PRKG1: variants seen among roughly 807,000 people sequenced by gnomAD.
PRKG1 encodes cGMP-dependent protein kinase 1.
In PRKG1, 35 loss-of-function variants were observed where a neutral mutation model predicts 88.1. The observed-to-expected ratio is 0.40, with a 90% CI of 0.30 to 0.53. PRKG1 has a LOEUF of 0.53. Ranked by LOEUF, PRKG1 falls within the 20% of genes least tolerant of loss-of-function variation. The pLI is 0.59. For missense variants in PRKG1, 540 were observed against 839.8 expected (o/e 0.64, Z 4.41); for synonymous variants, 303 against 292.5 (o/e 1.04, Z -0.37).
At chr10:51,102,620 T>C (rs1271547794) in intron 1 of PRKG1, among the ~76,000 whole-genome samples, 3 of 152,206 alleles carry the variant, frequency 2.0e-5, no homozygotes, top group Non-Finnish European at 2.9e-5. Context: ...CTGGGAAAAT[T>C]GACCCACTGA....
At chr10:51,408,696 C>T (rs993985922) in intron 2 of PRKG1, among the ~76,000 whole-genome samples, 11 of 152,190 alleles carry the variant, frequency 7.2e-5, no homozygotes, top group African/African-American at 2.2e-4. Flanking sequence ...AGTGGAAGTC[C>T]GTGTTGATGA....
intron 2 of PRKG1, among the ~76,000 whole-genome samples, chr10:51,329,283 G>A (rs1418919753): frequency 6.6e-6 from 1 of 152,030 alleles, no homozygotes; most frequent in Non-Finnish European, 1.5e-5. Flanking sequence ...TTCTACATGT[G>A]GATATTCAGT....
At chr10:52,093,055 A>T (rs1360107541) in intron 7 of PRKG1, among the ~76,000 whole-genome samples, 1 of 152,140 alleles carries the variant, frequency 6.6e-6, no homozygotes, top group Admixed American at 6.5e-5. Context: ...GTAAAATGGG[A>T]TGATAATCTT....
intron 2 of PRKG1, among the ~76,000 whole-genome samples, chr10:51,196,330 A>G (rs571430392): frequency 6.6e-6 from 1 of 152,332 alleles, no homozygotes; most frequent in South Asian, 2.1e-4. Flanking sequence ...ATTTTTATAT[A>G]CTTTTACAAG....
In PRKG1 at chr10:51,494,774, T is replaced by C. The variant is rs189173099; in HGVS notation, c.592+26938T>C. On this transcript the variant is annotated intron_variant, in intron 3 of 17. Transcript: ENST00000373980. ...TGTGCTCTCTGTATTTTTCTATTAA[T>C]GGTGTTTGTGACTTCGAAAATTTAC... is the stretch of plus-strand genomic sequence containing the variant. Among the ~76,000 whole-genome samples, 56 of 152,358 alleles carry C rather than the reference T, an allele frequency of 3.7e-4. No homozygotes were observed. The East Asian group carries it at 5.2e-3, about 14-fold the overall frequency.
At chr10:52,110,310 T>G (rs1016721364) in intron 7 of PRKG1, among the ~76,000 whole-genome samples, 2 of 152,088 alleles carry the variant, frequency 1.3e-5, no homozygotes, top group Admixed American at 6.5e-5. Flanking sequence ...CCAGCCTGCG[T>G]GAAAGTGCGA....
intron 2 of PRKG1, among the ~76,000 whole-genome samples, chr10:51,465,868 G>A (rs1035387812): frequency 2.6e-5 from 4 of 152,294 alleles, no homozygotes; most frequent in Admixed American, 6.5e-5. Flanking sequence ...CCAGTGATAA[G>A]AGCAAGCATT....
rs146514496 is a variant in PRKG1, at chr10:52,275,726, G to A, written c.1403+3245G>A. Among the ~76,000 whole-genome samples, 456 of 152,116 alleles carry A rather than the reference G, an allele frequency of 3.0e-3. 1 individual carries two copies. Among genetic ancestry groups the A allele is most frequent in the African/African-American group, 0.01 (424 of 41,528 alleles). On this transcript the variant is annotated intron_variant, in intron 12 of 17. Coordinates refer to ENST00000373980, the MANE Select transcript of PRKG1 (RefSeq NM_006258.4). ...TTCTAATTCTGTGAAGAATGATGGT[G>A]GTATTTTGATAGGGATTGCATTGAA...
chr10:51,743,844 G>A (rs1025929509), intron 3 of PRKG1, among the ~76,000 whole-genome samples: 9 of 147,452 alleles, frequency 6.1e-5, no homozygotes, highest in Non-Finnish European at 8.9e-5. Context: ...AAATGTAACA[G>A]AAAGACTTGG....
intron 5 of PRKG1, among the ~76,000 whole-genome samples, chr10:51,950,495 C>A (rs1159336198): frequency 6.6e-6 from 1 of 152,230 alleles, no homozygotes; most frequent in Non-Finnish European, 1.5e-5. Context: ...CCCTGTCTAC[C>A]CAGCCCACAG....
chr10:51,620,759 G>T (rs978929453), intron 3 of PRKG1, among the ~76,000 whole-genome samples: 1 of 151,800 alleles, frequency 6.6e-6, no homozygotes, highest in Non-Finnish European at 1.5e-5. Context: ...TCATTATCCT[G>T]ATTTTACCTA....
chr10:51,619,557 G>C (rs1425854524), intron 3 of PRKG1, among the ~76,000 whole-genome samples: 1 of 152,162 alleles, frequency 6.6e-6, no homozygotes, highest in Non-Finnish European at 1.5e-5. Context: ...GCTGTGGAGG[G>C]ACCTGCCTGA....
rs2132804699 is a variant in PRKG1, at chr10:51,074,820, A to G, written c.230A>G (p.Gln77Arg). The G allele has an allele frequency of 6.2e-7, 1 of 1,613,708 alleles. No homozygotes were observed. The highest frequency in any genetic ancestry group is 1.3e-5 in the African/African-American group (1 of 75,056). Residue 77 changes from glutamine to arginine, a missense_variant, in exon 1 of 18, where the codon CAG becomes CGG. This residue lies in a region of PRKG1 where 400 missense variants were observed against 562.7 expected (regional missense o/e 0.71). Transcript: ENST00000373980. ...CAGGGCGAGCCGCGCACCAAGCGGC[A>G]GGCGATCTCCGCCGAGCCCACCGCC... is the stretch of plus-strand genomic sequence containing the variant. The part of the protein sequence containing the change: ...TLQGEPRTKR[Q>R]AISAEPTAFD...
rs953205048 is a variant in PRKG1 at position 52,237,390 on chromosome 10, C to T, written c.1077-14180C>T. 6.2e-5 allele frequency among the ~76,000 whole-genome samples: 8 copies of T among 129,008 alleles called. 1 individual carries two copies. In the East Asian group the frequency reaches 1.2e-3, roughly 19 times the overall value. The allele number at this position is 129,008 out of a possible 152,430, so 84.6% of individuals were successfully genotyped here. A position where few individuals can be genotyped will look rare whatever the true frequency, so the allele number is the denominator to read the frequency against. On this transcript the variant is annotated intron_variant, in intron 9 of 17. Coordinates refer to ENST00000373980, the MANE Select transcript of PRKG1 (RefSeq NM_006258.4). ...GAGGAAGTCAAATTGTCCCTGTTTG[C>T]AGACGACATGATTGTATATCTAGAA...
At chr10:51,795,375 A>G (rs953793200) in intron 3 of PRKG1, among the ~76,000 whole-genome samples, 1 of 152,106 alleles carries the variant, frequency 6.6e-6, no homozygotes, top group Non-Finnish European at 1.5e-5. Flanking sequence ...CATCCTCTAT[A>G]TGTCATTGAA....
intron 1 of PRKG1, among the ~76,000 whole-genome samples, chr10:51,106,629 G>A (rs114452961): frequency 0.021 from 3,198 of 152,234 alleles, 46 homozygotes; most frequent in South Asian, 0.024. Context: ...CCACCATGGA[G>A]CCAGCCAAAA....
intron 5 of PRKG1, among the ~76,000 whole-genome samples, chr10:52,049,668 G>T (rs182500666): frequency 2.4e-4 from 36 of 151,866 alleles, no homozygotes; most frequent in Non-Finnish European, 4.3e-4. Context: ...ATTTTGTCTT[G>T]AACAAGGGAA....
intron 3 of PRKG1, among the ~76,000 whole-genome samples, chr10:51,507,218 G>A (rs1401724193): frequency 6.6e-6 from 1 of 151,888 alleles, no homozygotes; most frequent in East Asian, 1.9e-4. Context: ...AAGTTAATGG[G>A]TGTGGCACAG....
intron 7 of PRKG1, among the ~76,000 whole-genome samples, chr10:52,107,499 T>C (rs1847454612): frequency 6.6e-6 from 1 of 152,182 alleles, no homozygotes; most frequent in African/African-American, 2.4e-5. Context: ...TTTGGGAAAC[T>C]TTGTTCAACC....
Sources: gnomAD v4.1 joint callset for allele counts (sites outside exome capture counted in the v4.1 genomes callset) on GRCh38, gnomAD v4.1.1 for gene constraint, gnomAD v4.1.1 regional missense constraint, MANE v1.5 for transcripts, NCBI Gene and HGNC (gene_info 2026-07-23, HGNC 2026-07-21) for gene names.